The following MTOR variants were observed in gnomAD, a reference collection of about 807,000 sequenced individuals.
The protein encoded by MTOR is mechanistic target of rapamycin kinase.
Under a neutral mutation model 319.8 loss-of-function variants are expected in MTOR, and 70 were observed. The observed-to-expected ratio is 0.22, with a 90% CI of 0.18 to 0.27. The LOEUF is 0.27. Among genes scored for constraint, MTOR ranks in the 10% least tolerant of loss-of-function variants. MTOR has a pLI of 1.00. For missense variants in MTOR, 1,890 were observed against 3,274.4 expected (o/e 0.58, Z 10.32); for synonymous variants, 1,183 against 1,211.4 (o/e 0.98, Z 0.49).
At chr1:11,189,639 C>T in intron 28 of MTOR, 1 of 1,614,066 alleles carries the variant, frequency 6.2e-7, no homozygotes, top group Non-Finnish European at 8.5e-7. Flanking sequence ...TGGCCTTTGT[C>T]AGCCACCCAG....
chr1:11,169,094 T>G (rs890338265), intron 28 of MTOR, among the ~76,000 whole-genome samples: 1 of 152,208 alleles, frequency 6.6e-6, no homozygotes, highest in Non-Finnish European at 1.5e-5. Context: ...GGATTTGAGT[T>G]CAATGTGGTA....
chr1:11,139,069 C>A (rs1643565383), intron 36 of MTOR: 3 of 503,502 alleles, frequency 6.0e-6, no homozygotes. Context: ...GATACAAATA[C>A]ATATAACTGT....
At chr1:11,210,352 G>A (rs532434627) in intron 24 of MTOR, among the ~76,000 whole-genome samples, 1 of 152,306 alleles carries the variant, frequency 6.6e-6, no homozygotes, top group African/African-American at 2.4e-5. Context: ...GTTTTACCAT[G>A]TTGCCCAGGC....
At chr1:11,253,222 T>C (rs1434468884) in intron 6 of MTOR, among the ~76,000 whole-genome samples, 1 of 152,174 alleles carries the variant, frequency 6.6e-6, no homozygotes, top group Non-Finnish European at 1.5e-5. Flanking sequence ...GTTTCCCTAA[T>C]AAAATCCATG....
At chr1:11,220,368 G>A (rs1172113319) in intron 19 of MTOR, among the ~76,000 whole-genome samples, 1 of 151,982 alleles carries the variant, frequency 6.6e-6, no homozygotes, top group Non-Finnish European at 1.5e-5. Context: ...AATATTCTTG[G>A]CTAAAAAAAT....
At position 11,128,829 on chromosome 1, in the gene MTOR, C is replaced by T; in HGVS notation, c.5811+26G>A. On this transcript the variant is annotated intron_variant, in intron 41 of 57. Coordinates refer to ENST00000361445, the MANE Select transcript of MTOR (RefSeq NM_004958.4). The surrounding 1 kb of genome is among the most constrained non-coding windows in gnomAD (Gnocchi z 5.3). Reference sequence around the variant, plus strand: ...ACACAGAAGAGAGACTTGGAGCCACCTTCACCTGTAACCAAGTATCCTCAC... The same window carrying T: ...ACACAGAAGAGAGACTTGGAGCCACTTTCACCTGTAACCAAGTATCCTCAC... 2 of 1,586,928 alleles carry T rather than the reference C, an allele frequency of 1.3e-6. No homozygotes were observed. The highest frequency in any genetic ancestry group is 1.7e-6 in the Non-Finnish European group (2 of 1,156,844).
At chr1:11,141,537 T>C (rs1643704756) in intron 34 of MTOR, among the ~76,000 whole-genome samples, 1 of 151,962 alleles carries the variant, frequency 6.6e-6, no homozygotes, top group African/African-American at 2.4e-5. Flanking sequence ...CCTGGCTAAT[T>C]TTTGTATTTT....
In MTOR at chr1:11,234,177, C is replaced by CG. The variant is rs746242022; in HGVS notation, c.2296dup (p.Arg766ProfsTer24). The CG allele has an allele frequency of 6.2e-7, 1 of 1,614,042 alleles. No homozygotes were observed. Reference sequence around the variant, plus strand: ...AGGCTCCATGTAGGGGCGGATGAGTCGGGGGGCATTGGAGACCAGGTGCCC... The same window carrying CG: ...AGGCTCCATGTAGGGGCGGATGAGTCGGGGGGGCATTGGAGACCAGGTGCCC... On this transcript the variant is annotated frameshift_variant, in exon 14 of 58. Transcript: ENST00000361445. LOFTEE classifies it high-confidence loss of function.
chr1:11,179,872 G>A (rs1367343951), intron 28 of MTOR, among the ~76,000 whole-genome samples: 1 of 152,174 alleles, frequency 6.6e-6, no homozygotes, highest in Non-Finnish European at 1.5e-5. Context: ...CAGGCACACT[G>A]GCCCTTCTGA....
chr1:11,139,277 C>T (rs747108263), intron 36 of MTOR, 27 bp downstream of exon 36: 1 of 1,568,158 alleles, frequency 6.4e-7, no homozygotes, highest in East Asian at 2.3e-5. Flanking sequence ...AGAAGGTGGT[C>T]TGTTCTGGAT....
At chr1:11,114,674 C>A in intron 52 of MTOR, 139 bp downstream of exon 52, 1 of 1,043,822 alleles carries the variant, frequency 9.6e-7, no homozygotes. Flanking sequence ...ATTTCTAACA[C>A]AATAGGAAAT....
At chr1:11,244,191 C>T (rs928573788) in intron 8 of MTOR, among the ~76,000 whole-genome samples, 2 of 149,960 alleles carry the variant, frequency 1.3e-5, no homozygotes, top group African/African-American at 4.9e-5. Flanking sequence ...ACTCAGGAGA[C>T]TGAGGCAGGA....
chr1:11,154,130 T>C (rs1430854957), intron 30 of MTOR, among the ~76,000 whole-genome samples: 1 of 134,726 alleles, frequency 7.4e-6, no homozygotes, highest in Non-Finnish European at 1.5e-5. Context: ...GGCTACCATA[T>C]TGGACAATAC....
chr1:11,120,076 T>C (rs893903585), intron 49 of MTOR, among the ~76,000 whole-genome samples: 2 of 148,552 alleles, frequency 1.3e-5, no homozygotes, highest in Non-Finnish European at 3.0e-5. Context: ...AATTTATATA[T>C]ATATATATAA....
intron 28 of MTOR, among the ~76,000 whole-genome samples, chr1:11,197,525 G>GCATT (rs1645826708): frequency 1.3e-5 from 2 of 152,126 alleles, no homozygotes; most frequent in African/African-American, 4.8e-5. Flanking sequence ...CCCAGTAACA[G>GCATT]CATTCATTCA....
intron 11 of MTOR, among the ~76,000 whole-genome samples, 167 bp downstream of exon 11, chr1:11,240,136 G>C (rs1228081453): frequency 6.6e-6 from 1 of 152,286 alleles, no homozygotes; most frequent in African/African-American, 2.4e-5. Context: ...AACAAAAGTA[G>C]GAATTACCAA....
chr1:11,113,035 AG>A, intron 53 of MTOR, 118 bp from the exon 54 acceptor site: 1 of 1,029,080 alleles, frequency 9.7e-7, no homozygotes, highest in Admixed American at 2.3e-5. Context: ...CCCCAAAAAA[AG>A]AGATGACAGA....
intron 34 of MTOR, among the ~76,000 whole-genome samples, chr1:11,140,935 A>G (rs1369624463): frequency 6.7e-6 from 1 of 148,650 alleles, no homozygotes; most frequent in Non-Finnish European, 1.5e-5. Context: ...AGTTGGTAGC[A>G]TTTATATTTC....
chr1:11,194,954 CTGGCATGGATCT>C (rs1645725796), intron 28 of MTOR: 1 of 1,614,132 alleles, frequency 6.2e-7, no homozygotes, highest in East Asian at 2.2e-5. Flanking sequence ...CCTGGTATGG[CTGGCATGGATCT>C]ACCTACTCCC....
Sources: gnomAD v4.1 joint callset for allele counts (sites outside exome capture counted in the v4.1 genomes callset) on GRCh38, gnomAD v4.1.1 for gene constraint, Gnocchi (gnomAD v3.1) non-coding constraint, MANE v1.5 for transcripts, NCBI Gene and HGNC (gene_info 2026-07-23, HGNC 2026-07-21) for gene names.